Variants in KRT6C observed in about 807,000 individuals in gnomAD.
KRT6C encodes the protein keratin 6C.
Under a neutral mutation model 49.4 loss-of-function variants are expected in KRT6C, and 46 were observed. The observed-to-expected ratio is 0.93, with a 90% confidence interval of 0.74 to 1.19. The LOEUF is 1.19. Among genes scored for constraint, KRT6C ranks in the 50% most tolerant of loss-of-function variants. The probability of loss-of-function intolerance (pLI) is 0.00; values close to 1 mark genes in which losing one functional copy is unlikely to be tolerated. For missense variants in KRT6C, 552 were observed against 737.5 expected (o/e 0.75, Z 2.91); for synonymous variants, 236 against 297.1 (o/e 0.79, Z 2.12).
At chr12:52,470,043 C>T (rs774120694) in intron 6 of KRT6C, 153 bp from the exon 7 acceptor site, 13 of 934,750 alleles carry the variant, frequency 1.4e-5, no homozygotes, top group Non-Finnish European at 2.2e-5. Context: ...CAATATTTGT[C>T]TAGTCTGGGA....
chr12:52,468,731 A>G lies in KRT6C; in HGVS notation c.*331T>C. The G allele has an allele frequency of 3.0e-6, 1 of 332,568 alleles. No individual in the cohort carries two copies. Among genetic ancestry groups the G allele is most frequent in the Non-Finnish European group, 5.6e-6 (1 of 179,858 alleles). 20.6% of individuals were successfully genotyped at this position (332,568 alleles called of 1,614,324 possible). A position where few individuals can be genotyped will look rare whatever the true frequency, so the allele number is the denominator to read the frequency against. ...AATAAGCCCCAGGCGATTTTCAGTA[A>G]TGAAAAGGAACAGAGATCATTTTCT... On this transcript the variant is annotated 3_prime_UTR_variant, in exon 9 of 9. Coordinates refer to ENST00000252250, the MANE Select transcript of KRT6C (RefSeq NM_173086.5).
At position 52,471,193 on chromosome 12, in the gene KRT6C, G is replaced by A. The variant is rs1565808816; in HGVS notation, c.1016C>T (p.Ala339Val). 1 of 1,614,174 alleles carries A rather than the reference G, an allele frequency of 6.2e-7. No individual in the cohort carries two copies. Among genetic ancestry groups the A allele is most frequent in the African/African-American group, 1.3e-5 (1 of 75,032 alleles). The stretch of plus-strand genomic sequence containing the variant: ...CCTCTGAGCAATCTCCTCGTATTGG[G>A]CCTTGACCTCAGCGATGATGCTGTC... ...DLDSIIAEVK[A>V]QYEEIAQRSR... Residue 339 changes from alanine (A) to valine (V), a missense_variant, in exon 5 of 9, where the codon GCC becomes GTC. Ala to Val is a moderately conservative substitution (Grantham distance 64). Around this residue, in one of 3 missense-constraint regions of KRT6C, gnomAD observed 425 missense variants for 439.4 expected, o/e 0.97. Coordinates refer to ENST00000252250, the MANE Select transcript of KRT6C (RefSeq NM_173086.5).
chr12:52,472,071 C>T lies in KRT6C; in HGVS notation c.750G>A (p.Lys250=). 6.3e-7 allele frequency: 1 copy of T among 1,594,918 alleles called. No individual in the cohort carries two copies. The highest frequency in any genetic ancestry group is 8.5e-7 in the Non-Finnish European group (1 of 1,174,078). Residue 250 remains lysine (K), a synonymous_variant, in exon 2 of 9, where the codon AAG becomes AAA. Coordinates refer to ENST00000252250, the MANE Select transcript of KRT6C (RefSeq NM_173086.5). ...GCAGGAAATGGAGTCCTCACTTGTT[C>T]TTGAGGTCCTCCACCAGGTCCTGCA... ...RNMQDLVEDL[K]NKYEDEINKR... is the part of the protein sequence containing the mutation.
chr12:52,471,200 C>A lies in KRT6C; in HGVS notation c.1009G>T (p.Val337Phe), dbSNP rs770471413. ...GCAATCTCCTCGTATTGGGCCTTGA[C>A]CTCAGCGATGATGCTGTCCAGGTCC... Reference protein sequence around the residue: ...NLDLDSIIAEVKAQYEEIAQR... With the variant: ...NLDLDSIIAEFKAQYEEIAQR... Residue 337 changes from valine to phenylalanine, a missense_variant, in exon 5 of 9, where the codon GTC becomes TTC. By Grantham distance (50) the Val-to-Phe change is conservative. Coordinates refer to ENST00000252250, the MANE Select transcript of KRT6C (RefSeq NM_173086.5). 5 of 1,614,084 alleles carry A rather than the reference C, an allele frequency of 3.1e-6. No homozygotes were observed. In the African/African-American group the frequency reaches 6.7e-5, roughly 22 times the overall value.
chr12:52,472,236 C>A lies in KRT6C; in HGVS notation c.585G>T (p.Trp195Cys), dbSNP rs751855546. ...EQQNKVLDTK[W>C]TLLQEQGTKT... ...TGGTGCCCTGCTCCTGCAGCAGGGTCCACTTGGTGTCCAGAACCTTGTTCT... is the reference window on the plus strand; with the variant it reads ...TGGTGCCCTGCTCCTGCAGCAGGGTACACTTGGTGTCCAGAACCTTGTTCT... The change falls in exon 2 of 9, where the codon TGG becomes TGT. Residue 195 changes from tryptophan (W) to cysteine (C), a missense_variant. Physicochemically the swap from Trp to Cys is radical, Grantham distance 215. Transcript: ENST00000252250. 3 of 1,451,614 alleles carry A rather than the reference C, an allele frequency of 2.1e-6. No homozygotes were observed. Among genetic ancestry groups the A allele is most frequent in the Non-Finnish European group, 1.9e-6 (2 of 1,049,052 alleles). The allele number at this position is 1,451,614 out of a possible 1,614,324, so 89.9% of individuals were successfully genotyped here. A position where few individuals can be genotyped will look rare whatever the true frequency, so the allele number is the denominator to read the frequency against.
Position 52,469,217 on chromosome 12 carries a change from T to C in KRT6C, c.1540A>G (p.Ser514Gly). ...GSGLGLGGGSSYSYGSGLGIG... is the reference protein window; with the variant it reads ...GSGLGLGGGSGYSYGSGLGIG... ...CCAAGACCACTGCCATAGGAGTAGC[T>C]GCTTCCTCCACCCAGGCCTAAGCCA... Residue 514 changes from serine (S) to glycine (G), a missense_variant, in exon 9 of 9, where the codon AGC becomes GGC. Physicochemically the swap from Ser to Gly is moderately conservative, Grantham distance 56. Transcript: ENST00000252250. The C allele has an allele frequency of 6.2e-7, 1 of 1,613,962 alleles. No homozygotes were observed.
At chr12:52,470,777 G>A in intron 5 of KRT6C, 147 bp from the exon 6 acceptor site, 1 of 1,529,822 alleles carries the variant, frequency 6.5e-7, no homozygotes, top group Non-Finnish European at 9.0e-7. Flanking sequence ...TATGTGGTGG[G>A]TGGATACTAA....
chr12:52,471,089 A>C (rs762759903), intron 5 of KRT6C, 43 bp downstream of exon 5: 2 of 1,614,010 alleles, frequency 1.2e-6, no homozygotes, highest in Admixed American at 1.7e-5. Context: ...GTATTCCAGG[A>C]TGGACACAAG....
At chr12:52,471,795 T>C (rs1371294203) in intron 2 of KRT6C, 63 bp from the exon 3 acceptor site, 186 of 1,588,852 alleles carry the variant, frequency 1.2e-4, no homozygotes, top group African/African-American at 2.7e-5. Context: ...GAAAAGCAGC[T>C]TGGGATTCAA....
rs752255698 is a variant in KRT6C, at chr12:52,471,736, C to T, written c.756-4G>A. 3 of 1,613,794 alleles carry T rather than the reference C, an allele frequency of 1.9e-6. No individual in the cohort carries two copies. Among genetic ancestry groups the T allele is most frequent in the East Asian group, 4.5e-5 (2 of 44,844 alleles). On this transcript the variant is annotated splice_region_variant and splice_polypyrimidine_tract_variant and intron_variant, in intron 2 of 8. Transcript: ENST00000252250. ...CTTGTTGATTTCATCCTCATATCTA[C>T]AGGAAGAAAGGCATAGGACACATAT...
rs761855542 is a variant in KRT6C at position 52,470,523 on chromosome 12, G to T, written c.1185C>A (p.Ile395=). 3 of 1,614,032 alleles carry T rather than the reference G, an allele frequency of 1.9e-6. No homozygotes were observed. In the Admixed American group the frequency reaches 5.0e-5, roughly 27 times the overall value. The part of the protein sequence containing the change: ...NRMIQRLRSE[I]DHVKKQCASL... The stretch of plus-strand genomic sequence containing the variant: ...ACTGTACCTGCTTCTTGACATGGTC[G>T]ATCTCAGATCTCAGCCTCTGGATCA... The change falls in exon 6 of 9, where the codon ATC becomes ATA. Residue 395 remains isoleucine (I), a synonymous_variant. Transcript: ENST00000252250.
rs570733503 is a variant in KRT6C, at chr12:52,469,066, T to G, written c.1691A>C (p.His564Pro). 5.6e-6 allele frequency: 9 copies of G among 1,614,104 alleles called. No individual in the cohort carries two copies. The African/African-American group carries it at 9.3e-5, about 17-fold the overall frequency. ...CCGAGAGCTGGAGGCAGCACTTTAG[T>G]GCTTGTAGCTCTTCCTGCTGGAGGA... ...TSSSSRKSYK[H>P] The change falls in exon 9 of 9, where the codon CAC (histidine) becomes CCC (proline). Residue 564 changes from histidine to proline, a missense_variant. By Grantham distance (77) the His-to-Pro change is moderately conservative. Coordinates refer to ENST00000252250, the MANE Select transcript of KRT6C (RefSeq NM_173086.5).
chr12:52,471,164 G>T lies in KRT6C; in HGVS notation c.1045C>A (p.Arg349=), dbSNP rs151169574. ...TGGTACCAGGACTCAGCCTCAGCCC[G>T]GCTCCTCTGAGCAATCTCCTCGTAT... ...AQYEEIAQRS[R]AEAESWYQTK... is the part of the protein sequence containing the mutation. Residue 349 remains arginine (R), a synonymous_variant, in exon 5 of 9, where the codon CGG becomes AGG. Transcript: ENST00000252250. 3.0e-4 allele frequency: 479 copies of T among 1,613,944 alleles called. 2 individuals carry two copies. Among genetic ancestry groups the T allele is most frequent in the South Asian group, 1.5e-3 (137 of 91,068 alleles).
At position 52,471,920 on chromosome 12, in the gene KRT6C, C is replaced by G. The variant is rs1937892868; in HGVS notation, c.755+146G>C. 39 of 1,115,512 alleles carry G rather than the reference C, an allele frequency of 3.5e-5. 2 individuals carry two copies. The highest frequency in any genetic ancestry group is 5.2e-5 in the Non-Finnish European group (39 of 744,198). The allele number at this position is 1,115,512 out of a possible 1,614,324, so 69.1% of individuals were successfully genotyped here. A position where few individuals can be genotyped will look rare whatever the true frequency, so the allele number is the denominator to read the frequency against. The stretch of plus-strand genomic sequence containing the variant: ...CTTTAATCCCCCCATCCTCCCATAA[C>G]CATCTGTGGTTCTTGCAGGTTTGCT... On this transcript the variant is annotated intron_variant, in intron 2 of 8. Transcript: ENST00000252250.
chr12:52,470,258 C>A (rs117162499), intron 6 of KRT6C: 8,142 of 627,382 alleles, frequency 0.013, 117 homozygotes, highest in Middle Eastern at 0.026. Context: ...AAAATTATGA[C>A]CATCTGTAGG....
At chr12:52,470,310 G>T (rs1937852547) in intron 6 of KRT6C, 195 bp downstream of exon 6, 4 of 949,312 alleles carry the variant, frequency 4.2e-6, no homozygotes, top group Non-Finnish European at 4.8e-6. Flanking sequence ...ACCTGGCCTT[G>T]CTTGTGCCTC....
chr12:52,471,129 C>T lies in KRT6C; in HGVS notation c.1077+3G>A, dbSNP rs1732063391. The T allele has an allele frequency of 1.2e-6, 2 of 1,614,082 alleles. No homozygotes were observed. The highest frequency in any genetic ancestry group is 2.7e-5 in the African/African-American group (2 of 74,938). On this transcript the variant is annotated splice_donor_region_variant and intron_variant, in intron 5 of 8. Transcript: ENST00000252250. ...CCTCAGCAGCTGCCCACTCCCTGCTCACCTTGGTCTGGTACCAGGACTCAG... is the reference window on the plus strand; with the variant it reads ...CCTCAGCAGCTGCCCACTCCCTGCTTACCTTGGTCTGGTACCAGGACTCAG...
rs1369156707 is a variant in KRT6C at position 52,469,808 on chromosome 12, C to G, written c.1286G>C (p.Gly429Ala). The change falls in exon 7 of 9, where the codon GGG becomes GCG. Residue 429 changes from glycine (G) to alanine (A), a missense_variant. Coordinates refer to ENST00000252250, the MANE Select transcript of KRT6C (RefSeq NM_173086.5). ...ALKDAKNKLEGLEDALQKAKQ... is the reference protein window; with the variant it reads ...ALKDAKNKLEALEDALQKAKQ... ...GGCCTTCTGCAGGGCATCCTCCAGCCCTTCCAGCTTGTTCTTAGCATCCTT... is the reference window on the plus strand; with the variant it reads ...GGCCTTCTGCAGGGCATCCTCCAGCGCTTCCAGCTTGTTCTTAGCATCCTT... 1.2e-6 allele frequency: 2 copies of G among 1,614,024 alleles called. No individual in the cohort carries two copies. Among genetic ancestry groups the G allele is most frequent in the East Asian group, 4.5e-5 (2 of 44,886 alleles).
chr12:52,470,619 C>G lies in KRT6C; in HGVS notation c.1089G>C (p.Leu363=), dbSNP rs1216631274. ...CCCCATGTCTGCCTGCTGTGACCTG[C>G]AGCTCCTCGTACTGCAGCCCAGAGG... ...ESWYQTKYEE[L]QVTAGRHGDD... The change falls in exon 6 of 9, where the codon CTG becomes CTC. Residue 363 remains leucine (L), a synonymous_variant. Coordinates refer to ENST00000252250, the MANE Select transcript of KRT6C (RefSeq NM_173086.5). 6.2e-7 allele frequency: 1 copy of G among 1,614,028 alleles called. No homozygotes were observed. The highest frequency in any genetic ancestry group is 8.5e-7 in the Non-Finnish European group (1 of 1,179,996).
Sources: gnomAD v4.1 joint callset for allele counts on GRCh38, gnomAD v4.1.1 for gene constraint, gnomAD v4.1.1 regional missense constraint, MANE v1.5 for transcripts, NCBI Gene and HGNC (gene_info 2026-07-23, HGNC 2026-07-21) for gene names.